Variants in RAD51B observed in about 807,000 individuals in gnomAD.
RAD51B encodes the protein RAD51 paralog B, also known as DNA repair protein RAD51 homolog 2.
RAD51B carries 38 observed loss-of-function variants against 42.2 expected under a neutral mutation model. That is an observed-to-expected ratio of 0.90 (90% CI 0.70 to 1.18). The LOEUF is 1.18. RAD51B is among the 50% of genes most tolerant of loss of function. RAD51B has a pLI of 0.00. For synonymous variants in RAD51B, 154 were observed against 145.2 expected (o/e 1.06, Z -0.43); for missense variants, 373 against 400.7 (o/e 0.93, Z 0.59).
chr14:68,597,849 G>A (rs17829311), downstream of RAD51B, among the ~76,000 whole-genome samples: 67,846 of 150,284 alleles, frequency 0.45, 15,490 homozygotes, highest in East Asian at 0.59. Context: ...CTGATGGAGA[G>A]AACTCTACTC....
At chr14:68,281,852 A>G (rs2081324574) in intron 7 of RAD51B, among the ~76,000 whole-genome samples, 1 of 152,084 alleles carries the variant, frequency 6.6e-6, no homozygotes, top group South Asian at 2.1e-4. Context: ...TGAAAGCCTC[A>G]CGTTTCCCAT....
intron 7 of RAD51B, among the ~76,000 whole-genome samples, chr14:67,981,241 A>T (rs2075086987): frequency 6.6e-6 from 1 of 152,224 alleles, no homozygotes; most frequent in African/African-American, 2.4e-5. Flanking sequence ...TTCCTTTTCT[A>T]TAAATATGTA....
At chr14:68,142,058 A>G (rs2078140812) in intron 7 of RAD51B, among the ~76,000 whole-genome samples, 1 of 152,216 alleles carries the variant, frequency 6.6e-6, no homozygotes, top group Non-Finnish European at 1.5e-5. Flanking sequence ...TGCTTGGTAA[A>G]GCTATTAAAG....
At chr14:68,652,819 C>A (rs1892729386) in intron 11 of RAD51B, among the ~76,000 whole-genome samples, 1 of 152,242 alleles carries the variant, frequency 6.6e-6, no homozygotes, top group Non-Finnish European at 1.5e-5. Context: ...TTGGCCATAT[C>A]CCCTGTAGGA....
chr14:68,422,686 A>G (rs1300702707), intron 9 of RAD51B, among the ~76,000 whole-genome samples: 4 of 152,146 alleles, frequency 2.6e-5, no homozygotes, highest in Admixed American at 2.6e-4. Flanking sequence ...TGTTAGTCTG[A>G]TTATGTTACC....
chr14:67,944,636 A>G (rs1487376354), intron 7 of RAD51B, among the ~76,000 whole-genome samples: 1 of 152,204 alleles, frequency 6.6e-6, no homozygotes. Context: ...TACTAATTGT[A>G]TGAATTTTAT....
At chr14:68,005,701 A>G (rs561975281) in intron 7 of RAD51B, among the ~76,000 whole-genome samples, 31 of 152,180 alleles carry the variant, frequency 2.0e-4, no homozygotes, top group Non-Finnish European at 2.8e-4. Flanking sequence ...CACTTTTTTC[A>G]TATACTTATT....
At chr14:68,579,804 C>A (rs1890129756) in intron 10 of RAD51B, among the ~76,000 whole-genome samples, 1 of 152,160 alleles carries the variant, frequency 6.6e-6, no homozygotes, top group Non-Finnish European at 1.5e-5. Context: ...GTCAGAGTGT[C>A]CAGGAAAGAA....
chr14:68,581,468 A>G (rs1410450300), intron 10 of RAD51B, among the ~76,000 whole-genome samples: 1 of 152,140 alleles, frequency 6.6e-6, no homozygotes, highest in Admixed American at 6.5e-5. Flanking sequence ...CCCTGCATTT[A>G]TCTGGATGTA....
chr14:68,228,014 T>G (rs1393992813), intron 7 of RAD51B, among the ~76,000 whole-genome samples: 1 of 152,236 alleles, frequency 6.6e-6, no homozygotes, highest in Admixed American at 6.5e-5. Context: ...ACATTATATC[T>G]AACTTTTACA....
chr14:68,592,523 G>A (rs2257022), intron 10 of RAD51B, among the ~76,000 whole-genome samples: 116,725 of 152,086 alleles, frequency 0.77, 45,062 homozygotes, highest in Non-Finnish European at 0.79. Flanking sequence ...ATGAGAAAGC[G>A]AGCATGGAAA....
At chr14:68,482,688 A>G (rs1883298289), downstream of RAD51B, among the ~76,000 whole-genome samples, 1 of 152,178 alleles carries the variant, frequency 6.6e-6, no homozygotes. Context: ...CTTTTGCACA[A>G]ATGGAGGGAA....
At chr14:67,898,096 C>T (rs1324825231) in intron 7 of RAD51B, among the ~76,000 whole-genome samples, 3 of 152,204 alleles carry the variant, frequency 2.0e-5, no homozygotes, top group African/African-American at 4.8e-5. Context: ...GAATTAAAAT[C>T]AGGATCTCAA....
In RAD51B at chr14:67,876,736, G is replaced by T. The variant is rs575150967; in HGVS notation, c.453-9133G>T. Among the ~76,000 whole-genome samples the T allele has an allele frequency of 2.6e-5, 4 of 152,278 alleles. No homozygotes were observed. In the South Asian group the frequency reaches 6.2e-4, roughly 24 times the overall value. On this transcript the variant is annotated intron_variant, in intron 5 of 10. Coordinates refer to ENST00000471583, the MANE Select transcript of RAD51B (RefSeq NM_133510.4). ...AGCATTATTTGTGTATCAGAAATGA[G>T]TCGTTCTGGCAGTGGGACATTGAGA...
intron 8 of RAD51B, among the ~76,000 whole-genome samples, chr14:68,368,822 A>G (rs1289752517): frequency 6.6e-6 from 1 of 152,240 alleles, no homozygotes; most frequent in African/African-American, 2.4e-5. Flanking sequence ...GTGAAATTAT[A>G]AAGGAGATTT....
intron 7 of RAD51B, among the ~76,000 whole-genome samples, chr14:68,103,903 T>G (rs2077332997): frequency 1.3e-5 from 2 of 152,200 alleles, no homozygotes; most frequent in Admixed American, 1.3e-4. Context: ...TTAATATAGT[T>G]TGTCTCCTAT....
intron 7 of RAD51B, among the ~76,000 whole-genome samples, chr14:68,062,109 G>C (rs1224695726): frequency 6.6e-6 from 1 of 152,094 alleles, no homozygotes; most frequent in African/African-American, 2.4e-5. Context: ...TACTATAAAG[G>C]GATGTTGAAT....
chr14:68,382,683 T>G (rs1222643346), intron 8 of RAD51B, among the ~76,000 whole-genome samples: 1 of 152,218 alleles, frequency 6.6e-6, no homozygotes, highest in Non-Finnish European at 1.5e-5. Context: ...TGAGGTTGTA[T>G]TCCCTTATCT....
intron 8 of RAD51B, among the ~76,000 whole-genome samples, chr14:68,404,832 G>C (rs12889770): frequency 7.9e-5 from 12 of 152,032 alleles, no homozygotes; most frequent in Non-Finnish European, 1.0e-4. Context: ...AGAGGAAGCC[G>C]AGTATGGAGC....
Sources: allele counts gnomAD v4.1 joint callset (sites outside exome capture counted in the v4.1 genomes callset), GRCh38; gene constraint gnomAD v4.1.1; transcripts MANE v1.5; gene names NCBI Gene and HGNC (gene_info 2026-07-23, HGNC 2026-07-21).